Variants in ZDHHC21 observed in about 807,000 individuals in gnomAD.
ZDHHC21 encodes the protein zDHHC palmitoyltransferase 21, also known as palmitoyltransferase ZDHHC21.
A neutral mutation model predicts 34.6 loss-of-function variants in ZDHHC21; 15 were observed. The ratio of observed to expected loss-of-function variants is 0.43; its 90% confidence interval spans 0.29 to 0.67. The LOEUF (loss-of-function observed/expected upper bound fraction) is 0.67. Among genes scored for constraint, ZDHHC21 ranks in the 30% least tolerant of loss-of-function variants. The pLI is 0.14. For synonymous variants in ZDHHC21, 142 were observed against 101.8 expected (o/e 1.40, Z -2.38); for missense variants, 344 against 327.7 (o/e 1.05, Z -0.38).
intron 5 of ZDHHC21, among the ~76,000 whole-genome samples, chr9:14,668,641 T>G (rs1834919387): frequency 6.6e-6 from 1 of 151,418 alleles, no homozygotes; most frequent in Non-Finnish European, 1.5e-5. Flanking sequence ...ATGGTACTGG[T>G]ACCAAAACAG....
intron 8 of ZDHHC21, among the ~76,000 whole-genome samples, chr9:14,633,800 C>T (rs1827793452): frequency 6.6e-6 from 1 of 152,172 alleles, no homozygotes; most frequent in Non-Finnish European, 1.5e-5. Context: ...GGCTGAAGTA[C>T]AAGCAAAGTG....
intron 8 of ZDHHC21, among the ~76,000 whole-genome samples, chr9:14,634,494 G>C (rs1177368613): frequency 2.6e-5 from 4 of 152,084 alleles, no homozygotes; most frequent in African/African-American, 9.7e-5. Context: ...CTAAGGACAA[G>C]CCCACCTGGC....
intron 5 of ZDHHC21, among the ~76,000 whole-genome samples, chr9:14,665,986 T>A (rs1277519974): frequency 6.7e-6 from 1 of 148,914 alleles, no homozygotes; most frequent in Non-Finnish European, 1.5e-5. Context: ...AGGATCAAAT[T>A]CACACATAAC....
chr9:14,681,144 T>C (rs1320069449), intron 2 of ZDHHC21, among the ~76,000 whole-genome samples: 4 of 152,182 alleles, frequency 2.6e-5, no homozygotes, highest in African/African-American at 4.8e-5. Context: ...CGCACAGATA[T>C]ATATGAATAA....
intron 4 of ZDHHC21, among the ~76,000 whole-genome samples, chr9:14,673,575 C>T (rs561345723): frequency 9.2e-4 from 138 of 149,544 alleles, no homozygotes; most frequent in African/African-American, 3.0e-3. Context: ...AGTCTGAGTG[C>T]TCAATCCAGG....
At chr9:14,646,550 C>T (rs568710138) in intron 7 of ZDHHC21, among the ~76,000 whole-genome samples, 3 of 152,172 alleles carry the variant, frequency 2.0e-5, no homozygotes, top group African/African-American at 7.2e-5. Context: ...AGTCAGACCA[C>T]CTCTCTGATC....
intron 5 of ZDHHC21, among the ~76,000 whole-genome samples, chr9:14,662,931 G>A (rs1833669445): frequency 6.6e-6 from 1 of 152,112 alleles, no homozygotes; most frequent in Non-Finnish European, 1.5e-5. Flanking sequence ...TATCAGAATA[G>A]TTTCAGTAGT....
intron 6 of ZDHHC21, among the ~76,000 whole-genome samples, chr9:14,659,823 T>C (rs1833016662): frequency 6.6e-6 from 1 of 152,026 alleles, no homozygotes; most frequent in African/African-American, 2.4e-5. Flanking sequence ...AACAAGAAAA[T>C]CTACTGTGCT....
intron 8 of ZDHHC21, among the ~76,000 whole-genome samples, chr9:14,630,188 T>C (rs183835864): frequency 7.4e-4 from 113 of 152,306 alleles, no homozygotes; most frequent in African/African-American, 2.6e-3. Context: ...GTGGAGTCAA[T>C]CCTCTCAAAC....
At chr9:14,627,041 G>C (rs1034107727) in intron 8 of ZDHHC21, among the ~76,000 whole-genome samples, 19 of 152,062 alleles carry the variant, frequency 1.2e-4, no homozygotes, top group African/African-American at 3.6e-4. Context: ...TGCTGACCTG[G>C]AGCTGAGTAC....
intron 3 of ZDHHC21, among the ~76,000 whole-genome samples, chr9:14,679,586 G>T (rs1399939320): frequency 6.6e-6 from 1 of 152,052 alleles, no homozygotes; most frequent in East Asian, 1.9e-4. Context: ...ATATTTATGT[G>T]TTCTTCTAAG....
intron 2 of ZDHHC21, among the ~76,000 whole-genome samples, chr9:14,688,586 GCA>G (rs887007575): frequency 6.6e-6 from 1 of 151,750 alleles, no homozygotes; most frequent in Non-Finnish European, 1.5e-5. Context: ...TGGGGGCCAG[GCA>G]CAGTGGCTCA....
At chr9:14,672,209 A>C (rs1260083818) in intron 5 of ZDHHC21, among the ~76,000 whole-genome samples, 3 of 152,124 alleles carry the variant, frequency 2.0e-5, no homozygotes, top group Non-Finnish European at 4.4e-5. Flanking sequence ...TTTTTTGAAG[A>C]ATTCAGTTAT....
intron 8 of ZDHHC21, among the ~76,000 whole-genome samples, chr9:14,621,099 T>C (rs890828598): frequency 6.6e-6 from 1 of 152,026 alleles, no homozygotes; most frequent in Admixed American, 6.6e-5. Flanking sequence ...TCTTAGAGTT[T>C]TGATAGTAAC....
intron 8 of ZDHHC21, among the ~76,000 whole-genome samples, chr9:14,620,486 A>G (rs1268534232): frequency 6.6e-6 from 1 of 152,040 alleles, no homozygotes; most frequent in Non-Finnish European, 1.5e-5. Flanking sequence ...ACATTCATTC[A>G]AATACACCAA....
intron 7 of ZDHHC21, among the ~76,000 whole-genome samples, chr9:14,648,635 ATTGT>A (rs1324079211): frequency 6.6e-6 from 1 of 151,984 alleles, no homozygotes; most frequent in Non-Finnish European, 1.5e-5. Flanking sequence ...TAATACTCAT[ATTGT>A]TTACCATATA....
At chr9:14,631,452 A>C (rs1054036772) in intron 8 of ZDHHC21, among the ~76,000 whole-genome samples, 2 of 152,176 alleles carry the variant, frequency 1.3e-5, no homozygotes, top group African/African-American at 4.8e-5. Context: ...AAATTTCTCC[A>C]TATCAACAAT....
intron 2 of ZDHHC21, among the ~76,000 whole-genome samples, chr9:14,688,608 T>C (rs1230582872): frequency 3.3e-5 from 5 of 151,984 alleles, no homozygotes; most frequent in Non-Finnish European, 7.4e-5. Context: ...ATGCCTGTAA[T>C]CCCAGCACTT....
chr9:14,643,612 C>T (rs866020652), intron 7 of ZDHHC21, among the ~76,000 whole-genome samples: 55 of 152,220 alleles, frequency 3.6e-4, no homozygotes, highest in African/African-American at 1.2e-3. Context: ...ATGGCATTCT[C>T]CTATATTATC....
Sources: allele counts gnomAD v4.1 joint callset (sites outside exome capture counted in the v4.1 genomes callset), GRCh38; gene constraint gnomAD v4.1.1; transcripts MANE v1.5; gene names NCBI Gene and HGNC (gene_info 2026-07-23, HGNC 2026-07-21).